CFAP100: variants seen among roughly 807,000 people sequenced by gnomAD.
CFAP100 encodes the protein cilia- and flagella-associated protein 100.
Under a neutral mutation model 81.5 loss-of-function variants are expected in CFAP100, and 70 were observed. That is an observed-to-expected ratio of 0.86 (90% CI 0.71 to 1.05). The LOEUF is 1.05. Among genes scored for constraint, CFAP100 ranks in the 50% least tolerant of loss-of-function variants. The pLI is 0.00. For synonymous variants in CFAP100, 341 were observed against 314.8 expected, an observed-to-expected ratio of 1.08 and a Z score of -0.88; for missense variants, 811 against 776.5, an observed-to-expected ratio of 1.04 and a Z score of -0.53.
chr3:126,422,538 G>A (rs2083349539), intron 11 of CFAP100, among the ~76,000 whole-genome samples: 1 of 152,232 alleles, frequency 6.6e-6, no homozygotes, highest in African/African-American at 2.4e-5. Context: ...TGAGGCCCAG[G>A]GTGGAGCAGG....
intron 15 of CFAP100, 92 bp from the exon 16 acceptor site, chr3:126,435,467 G>A: frequency 1.0e-6 from 1 of 992,560 alleles, no homozygotes; most frequent in East Asian, 2.6e-5. Context: ...TTTTCTTGAG[G>A]GAGGACACGG....
chr3:126,402,549 G>C (rs2083001674), intron 2 of CFAP100, among the ~76,000 whole-genome samples: 1 of 151,866 alleles, frequency 6.6e-6, no homozygotes, highest in Admixed American at 6.5e-5. Flanking sequence ...TCCTGGCTCT[G>C]GGGGGATAGG....
At chr3:126,406,428 G>A (rs1457755907) in intron 2 of CFAP100, among the ~76,000 whole-genome samples, 1 of 152,180 alleles carries the variant, frequency 6.6e-6, no homozygotes, top group Non-Finnish European at 1.5e-5. Flanking sequence ...CGGAGACCAC[G>A]TTCTGGCAGC....
rs774256326 is a variant in CFAP100, at chr3:126,416,482, C to A, written c.392C>A (p.Thr131Lys). ...CATCAGCGCGCCTTCCGCGACTACA[C>A]GACCTGGAAGCTCACCTTGACCAAA... is the stretch of plus-strand genomic sequence containing the variant. ...AEHQRAFRDY[T>K]TWKLTLTKEK... The change falls in exon 5 of 17, where the codon ACG becomes AAG. Residue 131 changes from threonine (T) to lysine (K), a missense_variant. By Grantham distance (78) the Thr-to-Lys change is moderately conservative. Coordinates refer to ENST00000352312, the MANE Select transcript of CFAP100 (RefSeq NM_182628.3). The A allele has an allele frequency of 5.0e-6, 8 of 1,602,972 alleles. No homozygotes were observed. The Middle Eastern group carries it at 6.6e-4, about 133-fold the overall frequency.
At chr3:126,405,062 T>C (rs2083043406) in intron 2 of CFAP100, among the ~76,000 whole-genome samples, 1 of 152,018 alleles carries the variant, frequency 6.6e-6, no homozygotes, top group African/African-American at 2.4e-5. Flanking sequence ...TCGGTGGCAT[T>C]GACCACATTC....
In CFAP100 at chr3:126,436,495, T is replaced by C; in HGVS notation, c.*91T>C. The stretch of plus-strand genomic sequence containing the variant: ...TGGGCTGGGTCTCGAGTGGCCCAAC[T>C]GAGTCCTCTCTGTCTCCTGTGTGCT... On this transcript the variant is annotated 3_prime_UTR_variant, in exon 17 of 17. Coordinates refer to ENST00000352312, the MANE Select transcript of CFAP100 (RefSeq NM_182628.3). 1 of 876,796 alleles carries C rather than the reference T, an allele frequency of 1.1e-6. No individual in the cohort carries two copies. Among genetic ancestry groups the C allele is most frequent in the Non-Finnish European group, 1.9e-6 (1 of 540,404 alleles). 54.3% of individuals were successfully genotyped at this position (876,796 alleles called of 1,614,324 possible). A position where few individuals can be genotyped will look rare whatever the true frequency, so the allele number is the denominator to read the frequency against.
At chr3:126,397,373 A>T (rs1217521517) in intron 2 of CFAP100, among the ~76,000 whole-genome samples, 1 of 152,246 alleles carries the variant, frequency 6.6e-6, no homozygotes, top group East Asian at 1.9e-4. Context: ...AGTAAATTTT[A>T]AAATGAAGAA....
At chr3:126,411,269 G>T (rs1177062848) in intron 3 of CFAP100, among the ~76,000 whole-genome samples, 1 of 151,368 alleles carries the variant, frequency 6.6e-6, no homozygotes, top group East Asian at 1.9e-4. Context: ...TTTCTGATGT[G>T]CTGTTGGATT....
chr3:126,431,644 A>T (rs1560081460), intron 13 of CFAP100, among the ~76,000 whole-genome samples: 1 of 152,314 alleles, frequency 6.6e-6, no homozygotes, highest in East Asian at 1.9e-4. Flanking sequence ...AGGACCCCCT[A>T]TTCCACCATC....
chr3:126,434,028 T>G, intron 14 of CFAP100, 148 bp from the exon 15 acceptor site: 1 of 671,912 alleles, frequency 1.5e-6, no homozygotes, highest in Non-Finnish European at 2.5e-6. Flanking sequence ...GTTCCCCAAG[T>G]TCTGTTTTAG....
Position 126,423,382 on chromosome 3 carries a change from T to A in CFAP100, c.1134+6T>A. 1 of 1,613,318 alleles carries A rather than the reference T, an allele frequency of 6.2e-7. No homozygotes were observed. The highest frequency in any genetic ancestry group is 8.5e-7 in the Non-Finnish European group (1 of 1,179,742). ...ACACCGACAGCGATGGGGAGGTGAA[T>A]GGCCCAGTGCTGGGCTGGAATTCGG... On this transcript the variant is annotated splice_donor_region_variant and intron_variant, in intron 12 of 16. Transcript: ENST00000352312.
chr3:126,401,547 G>A (rs916890383), intron 2 of CFAP100, among the ~76,000 whole-genome samples: 8 of 151,254 alleles, frequency 5.3e-5, no homozygotes, highest in African/African-American at 9.7e-5. Flanking sequence ...TGAAATAGGA[G>A]GCTGATTCAG....
At chr3:126,399,547 G>A (rs982475925) in intron 2 of CFAP100, among the ~76,000 whole-genome samples, 1 of 152,196 alleles carries the variant, frequency 6.6e-6, no homozygotes, top group Non-Finnish European at 1.5e-5. Context: ...ACTCAGCAAA[G>A]TTGTGGGTTA....
intron 2 of CFAP100, 135 bp downstream of exon 2, chr3:126,396,184 C>T (rs896958505): frequency 4.3e-6 from 3 of 694,494 alleles, no homozygotes; most frequent in African/African-American, 3.5e-5. Flanking sequence ...TCCCTTGAAA[C>T]AAGGCATATG....
intron 9 of CFAP100, 32 bp downstream of exon 9, chr3:126,419,850 G>A (rs1353267210): frequency 3.1e-6 from 5 of 1,611,542 alleles, no homozygotes; most frequent in African/African-American, 2.7e-5. Context: ...GTTCCCAGGT[G>A]GGCTCTGCCA....
Position 126,433,085 on chromosome 3 carries a change from C to G in CFAP100, c.1303C>G (p.Gln435Glu), listed in dbSNP as rs752634430. 6.2e-7 allele frequency: 1 copy of G among 1,614,136 alleles called. No individual in the cohort carries two copies. The highest frequency in any genetic ancestry group is 1.3e-5 in the African/African-American group (1 of 75,044). ...TQIRMDREVN[Q>E]LKQWVTTMMM... ...CTCTTCCAGGGACAGGGAGGTCAAC[C>G]AGCTGAAGCAGTGGGTCACCACAAT... The change falls in exon 14 of 17, where the codon CAG becomes GAG. Residue 435 changes from glutamine (Q) to glutamate (E), a missense_variant. Physicochemically the swap from Gln to Glu is conservative, Grantham distance 29. Coordinates refer to ENST00000352312, the MANE Select transcript of CFAP100 (RefSeq NM_182628.3).
In CFAP100 at chr3:126,434,130, G is replaced by A. The variant is rs369548726; in HGVS notation, c.1423-46G>A. ...CCGCTGAAGGCACTGGCATGGGGGT[G>A]GGTTTCCGCCTGCCAGCACCCTGCT... On this transcript the variant is annotated intron_variant, in intron 14 of 16. Transcript: ENST00000352312. 12 of 1,545,354 alleles carry A rather than the reference G, an allele frequency of 7.8e-6. No individual in the cohort carries two copies. The African/African-American group carries it at 1.4e-4, about 17-fold the overall frequency.
intron 13 of CFAP100, among the ~76,000 whole-genome samples, chr3:126,425,467 T>C (rs1353675483): frequency 6.6e-6 from 1 of 152,230 alleles, no homozygotes; most frequent in African/African-American, 2.4e-5. Flanking sequence ...TGCTGGTGAA[T>C]TCTACAAAGG....
chr3:126,411,956 G>C (rs1359713903), intron 3 of CFAP100, among the ~76,000 whole-genome samples: 2 of 152,032 alleles, frequency 1.3e-5, no homozygotes, highest in Non-Finnish European at 1.5e-5. Context: ...TTTGGATTTA[G>C]TTTGTTCTTG....
Sources: allele counts gnomAD v4.1 joint callset (sites outside exome capture counted in the v4.1 genomes callset), GRCh38; gene constraint gnomAD v4.1.1; transcripts MANE v1.5; gene names NCBI Gene and HGNC (gene_info 2026-07-23, HGNC 2026-07-21).